Variants in KCNB2 observed in about 807,000 individuals in gnomAD.
The protein encoded by KCNB2 is delayed rectifier potassium channel protein.
In KCNB2, 15 loss-of-function variants were observed where a neutral mutation model predicts 61.5. The observed-to-expected ratio is 0.24, with a 90% CI of 0.16 to 0.38. The LOEUF is 0.38. Ranked by LOEUF, KCNB2 falls within the 10% of genes least tolerant of loss-of-function variation. The pLI, the probability that KCNB2 is intolerant of heterozygous loss-of-function variation, is 1.00. For synonymous variants in KCNB2, 457 were observed against 446.0 expected (o/e 1.02, Z -0.31); for missense variants, 828 against 1,125.2 (o/e 0.74, Z 3.78).
intron 2 of KCNB2, among the ~76,000 whole-genome samples, chr8:72,862,580 T>C (rs1805436648): frequency 6.6e-6 from 1 of 152,224 alleles, no homozygotes; most frequent in South Asian, 2.1e-4. Flanking sequence ...ATCTAGGTCA[T>C]TGGATTTAAC....
intron 2 of KCNB2, among the ~76,000 whole-genome samples, chr8:72,817,675 C>T (rs1461227573): frequency 6.6e-6 from 1 of 152,086 alleles, no homozygotes; most frequent in Admixed American, 6.6e-5. Context: ...TCAACAGAAA[C>T]CCAATAAATT....
intron 2 of KCNB2, among the ~76,000 whole-genome samples, chr8:72,767,483 G>A (rs1366337509): frequency 1.3e-5 from 2 of 152,128 alleles, no homozygotes; most frequent in African/African-American, 4.8e-5. Flanking sequence ...TACAATATGT[G>A]ATCTTTTGTG....
intron 2 of KCNB2, among the ~76,000 whole-genome samples, chr8:72,919,271 C>T (rs1053914381): frequency 6.6e-6 from 1 of 152,122 alleles, no homozygotes; most frequent in Non-Finnish European, 1.5e-5. Context: ...AGTGGAGTTC[C>T]CATAGCCCTG....
intron 2 of KCNB2, among the ~76,000 whole-genome samples, chr8:72,587,066 C>T (rs10504539): frequency 0.5 from 75,391 of 151,972 alleles, 21,114 homozygotes; most frequent in Non-Finnish European, 0.62. Context: ...GTATTACTGT[C>T]GAGAAAGAAA....
chr8:72,756,626 G>A (rs1051780866), intron 2 of KCNB2, among the ~76,000 whole-genome samples: 6 of 152,126 alleles, frequency 3.9e-5, no homozygotes, highest in South Asian at 2.1e-4. Context: ...AAAAGCCACC[G>A]ATTTAATCGA....
chr8:72,768,375 A>G (rs1808496556), intron 2 of KCNB2, among the ~76,000 whole-genome samples: 1 of 151,876 alleles, frequency 6.6e-6, no homozygotes, highest in Non-Finnish European at 1.5e-5. Flanking sequence ...TTGTTTTGCC[A>G]TGTTGCCCAG....
chr8:72,859,243 T>C (rs1810255781), intron 2 of KCNB2, among the ~76,000 whole-genome samples: 1 of 152,180 alleles, frequency 6.6e-6, no homozygotes, highest in South Asian at 2.1e-4. Flanking sequence ...AGGAGTTGAC[T>C]TGAGATTCCT....
At chr8:72,851,566 T>G (rs1203745596) in intron 2 of KCNB2, among the ~76,000 whole-genome samples, 2 of 152,026 alleles carry the variant, frequency 1.3e-5, no homozygotes, top group Non-Finnish European at 2.9e-5. Context: ...TTCCATCACT[T>G]TCTCATAGTA....
At chr8:72,835,483 C>T (rs1809766187) in intron 2 of KCNB2, among the ~76,000 whole-genome samples, 1 of 152,110 alleles carries the variant, frequency 6.6e-6, no homozygotes, top group Non-Finnish European at 1.5e-5. Context: ...GCAGGATAAC[C>T]TATAAGTGAA....
intron 2 of KCNB2, among the ~76,000 whole-genome samples, chr8:72,929,783 A>G (rs1205729852): frequency 6.6e-6 from 1 of 152,212 alleles, no homozygotes; most frequent in East Asian, 1.9e-4. Context: ...GTATACACAC[A>G]TAATTGTTTT....
intron 2 of KCNB2, among the ~76,000 whole-genome samples, chr8:72,646,188 A>G (rs1215932168): frequency 2.0e-5 from 3 of 152,008 alleles, no homozygotes; most frequent in African/African-American, 7.2e-5. Flanking sequence ...AATACTATAT[A>G]TACTTAAATA....
At chr8:72,912,242 A>C (rs1585970720) in intron 2 of KCNB2, among the ~76,000 whole-genome samples, 1 of 152,120 alleles carries the variant, frequency 6.6e-6, no homozygotes, top group African/African-American at 2.4e-5. Context: ...CTCCACATGG[A>C]AAGGGGTTTC....
chr8:72,568,083 C>G lies in KCNB2; in HGVS notation c.349C>G (p.Leu117Val), dbSNP rs1300358022. ...CCATATGATGGAAGAAATGTGTGCA[C>G]TTTCGTTTGGCCAAGAACTTGATTA... ...KLHMMEEMCA[L>V]SFGQELDYWG... The change falls in exon 2 of 3, where the codon CTT becomes GTT. Residue 117 changes from leucine to valine, a missense_variant. This residue lies in a region of KCNB2 where 163 missense variants were observed against 314.4 expected (regional missense o/e 0.52). Transcript: ENST00000523207. 1.9e-6 allele frequency: 3 copies of G among 1,614,090 alleles called. No homozygotes were observed. Among genetic ancestry groups the G allele is most frequent in the Non-Finnish European group, 2.5e-6 (3 of 1,180,022 alleles).
chr8:72,931,118 T>C (rs1806773779), intron 2 of KCNB2, among the ~76,000 whole-genome samples: 1 of 152,330 alleles, frequency 6.6e-6, no homozygotes, highest in South Asian at 2.1e-4. Context: ...AGATGTGTGG[T>C]ATTATTTCTG....
chr8:72,847,874 C>T (rs1563403236), intron 2 of KCNB2, among the ~76,000 whole-genome samples: 1 of 152,152 alleles, frequency 6.6e-6, no homozygotes, highest in African/African-American at 2.4e-5. Context: ...TTCCCCAACT[C>T]ATTATAAATA....
At chr8:72,678,163 A>G (rs1482136743) in intron 2 of KCNB2, among the ~76,000 whole-genome samples, 1 of 152,196 alleles carries the variant, frequency 6.6e-6, no homozygotes, top group Non-Finnish European at 1.5e-5. Context: ...ATAACATATA[A>G]CATTTAAGCA....
intron 2 of KCNB2, among the ~76,000 whole-genome samples, chr8:72,841,361 CTTTTTTTTTTCTT>C (rs1280819912): frequency 6.5e-4 from 43 of 66,156 alleles, no homozygotes; most frequent in Non-Finnish European, 9.6e-4. Flanking sequence ...GTTTTCTTTT[CTTTTTTTTTTCTT>C]TTTTTTTTTT....
At chr8:72,569,355 A>G (rs770799711) in intron 2 of KCNB2, among the ~76,000 whole-genome samples, 3 of 152,228 alleles carry the variant, frequency 2.0e-5, no homozygotes, top group Non-Finnish European at 2.9e-5. Context: ...AGAATTTATA[A>G]TAGAACATAT....
chr8:72,898,766 G>C (rs13260118), intron 2 of KCNB2, among the ~76,000 whole-genome samples: 34 of 152,002 alleles, frequency 2.2e-4, no homozygotes, highest in African/African-American at 7.2e-5. Context: ...CATCATCCAG[G>C]TAGTGAACAT....
Sources: allele counts gnomAD v4.1 joint callset (sites outside exome capture counted in the v4.1 genomes callset), GRCh38; gene constraint gnomAD v4.1.1; regional missense constraint gnomAD v4.1.1; transcripts MANE v1.5; gene names NCBI Gene and HGNC (gene_info 2026-07-23, HGNC 2026-07-21).